EGR1: variants seen among roughly 807,000 people sequenced by gnomAD.
The protein encoded by EGR1 is early growth response 1, also known as early growth response protein 1.
Under a neutral mutation model 30.2 loss-of-function variants are expected in EGR1, and 8 were observed. The ratio of observed to expected loss-of-function variants is 0.26; its 90% CI spans 0.16 to 0.48. The LOEUF is 0.48. Ranked by LOEUF, EGR1 falls within the 20% of genes least tolerant of loss-of-function variation. EGR1 has a pLI of 0.99. For missense variants in EGR1, 568 were observed against 732.3 expected (o/e 0.78, Z 2.59); for synonymous variants, 334 against 312.8 (o/e 1.07, Z -0.72).
chr5:138,467,291 C>T lies in EGR1; in HGVS notation c.842C>T (p.Thr281Ile). The change falls in exon 2 of 2, where the codon ACC becomes ATC. Residue 281 changes from threonine (T) to isoleucine (I), a missense_variant. Coordinates refer to ENST00000239938, the MANE Select transcript of EGR1 (RefSeq NM_001964.3). This position sits in a 1 kb window ranked among gnomAD's most constrained non-coding sequence, Gnocchi z 8.3. ...QKPFQGLESRTQQPSLTPLST... is the reference protein window; with the variant it reads ...QKPFQGLESRIQQPSLTPLST... ...CCCTTCCAGGGCCTGGAGAGCCGCA[C>T]CCAGCAGCCTTCGCTAACCCCTCTG... The T allele has an allele frequency of 6.2e-7, 1 of 1,614,050 alleles. No individual in the cohort carries two copies. Among genetic ancestry groups the T allele is most frequent in the Non-Finnish European group, 8.5e-7 (1 of 1,180,018 alleles).
Position 138,467,649 on chromosome 5 carries a change from C to T in EGR1, c.1200C>T (p.Ile400=). 1 of 1,614,236 alleles carries T rather than the reference C, an allele frequency of 6.2e-7. No homozygotes were observed. Among genetic ancestry groups the T allele is most frequent in the South Asian group, 1.1e-5 (1 of 91,090 alleles). ...GCGAAAAGCCCTTCGCCTGCGACAT[C>T]TGTGGAAGAAAGTTTGCCAGGAGCG... ...HTGEKPFACD[I]CGRKFARSDE... is the part of the protein sequence containing the mutation. Residue 400 remains isoleucine (I), a synonymous_variant, in exon 2 of 2, where the codon ATC becomes ATT. Coordinates refer to ENST00000239938, the MANE Select transcript of EGR1 (RefSeq NM_001964.3). The surrounding 1 kb of genome is among the most constrained non-coding windows in gnomAD (Gnocchi z 8.3).
In EGR1 at chr5:138,468,156, C is replaced by A. The variant is rs1246190853; in HGVS notation, c.*75C>A. On this transcript the variant is annotated 3_prime_UTR_variant, in exon 2 of 2. Coordinates refer to ENST00000239938, the MANE Select transcript of EGR1 (RefSeq NM_001964.3). ...TTAAAGGACAGGAGGAGGAGATGGC[C>A]ATAGGAGAGGAGGGTTCCTCTTAGG... 6.5e-7 allele frequency: 1 copy of A among 1,532,566 alleles called. No homozygotes were observed. The highest frequency in any genetic ancestry group is 1.4e-5 in the African/African-American group (1 of 72,514). 94.9% of individuals were successfully genotyped at this position (1,532,566 alleles called of 1,614,324 possible).
Position 138,465,966 on chromosome 5 carries a change from G to A in EGR1, c.205G>A (p.Gly69Ser), listed in dbSNP as rs1320164238. 7 of 1,611,170 alleles carry A rather than the reference G, an allele frequency of 4.3e-6. No homozygotes were observed. Among genetic ancestry groups the A allele is most frequent in the East Asian group, 2.2e-5 (1 of 44,824 alleles). Residue 69 changes from glycine to serine, a missense_variant, in exon 1 of 2, where the codon GGC (glycine) becomes AGC (serine). Transcript: ENST00000239938. ...CAACAGCAGCAGCAGCAGCAGCGGGGGCGGTGGAGGCGGCGGGGGCGGCAG... is the reference window on the plus strand; with the variant it reads ...CAACAGCAGCAGCAGCAGCAGCGGGAGCGGTGGAGGCGGCGGGGGCGGCAG... The part of the protein sequence containing the change: ...GSNSSSSSSG[G>S]GGGGGGGSNS...
In EGR1 at chr5:138,468,040, A is replaced by G; in HGVS notation, c.1591A>G (p.Met531Val). ...SFSASTGLSD[M>V]TATFSPRTIE... is the part of the protein sequence containing the mutation. ...CAGCGCCTCCACAGGGCTTTCGGAC[A>G]TGACAGCAACCTTTTCTCCCAGGAC... Residue 531 changes from methionine to valine, a missense_variant, in exon 2 of 2, where the codon ATG becomes GTG. Transcript: ENST00000239938. 1 of 1,596,842 alleles carries G rather than the reference A, an allele frequency of 6.3e-7. No homozygotes were observed.
chr5:138,465,934 G>C lies in EGR1; in HGVS notation c.173G>C (p.Ser58Thr), dbSNP rs933295010. The C allele has an allele frequency of 1.9e-6, 3 of 1,613,232 alleles. No individual in the cohort carries two copies. In the African/African-American group the frequency reaches 4.0e-5, roughly 22 times the overall value. ...GGCGCCGCCGGGGCCCCAGAGGGCA[G>C]CGGCAGCAACAGCAGCAGCAGCAGC... The part of the protein sequence containing the change: ...FLGAAGAPEG[S>T]GSNSSSSSSG... Residue 58 changes from serine to threonine, a missense_variant, in exon 1 of 2, where the codon AGC becomes ACC. Physicochemically the swap from Ser to Thr is moderately conservative, Grantham distance 58. Transcript: ENST00000239938.
Position 138,465,714 on chromosome 5 carries a change from G to T in EGR1, c.-48G>T, listed in dbSNP as rs545513858. ...GTGTCCCCTGCAGCTCCAGCCCCGG[G>T]CTGCACCCCCCCGCCCCGACACCAG... is the stretch of plus-strand genomic sequence containing the variant. On this transcript the variant is annotated 5_prime_UTR_variant, in exon 1 of 2. Transcript: ENST00000239938. 1.3e-6 allele frequency: 2 copies of T among 1,510,732 alleles called. No homozygotes were observed. The highest frequency in any genetic ancestry group is 2.1e-5 in the Admixed American group (1 of 46,942). The allele number at this position is 1,510,732 out of a possible 1,614,324, so 93.6% of individuals were successfully genotyped here.
rs770357422 is a variant in EGR1 at position 138,465,967 on chromosome 5, G to A, written c.206G>A (p.Gly69Asp). The A allele has an allele frequency of 8.7e-6, 14 of 1,611,146 alleles. No individual in the cohort carries two copies. The highest frequency in any genetic ancestry group is 1.1e-5 in the Non-Finnish European group (13 of 1,178,674). The change falls in exon 1 of 2, where the codon GGC (glycine) becomes GAC (aspartate). Residue 69 changes from glycine (G) to aspartate (D), a missense_variant. Around this residue, in one of 4 missense-constraint regions of EGR1, gnomAD observed 415 missense variants for 445.2 expected, o/e 0.93. Coordinates refer to ENST00000239938, the MANE Select transcript of EGR1 (RefSeq NM_001964.3). ...GSNSSSSSSG[G>D]GGGGGGGSNS... ...AACAGCAGCAGCAGCAGCAGCGGGG[G>A]CGGTGGAGGCGGCGGGGGCGGCAGC...
In EGR1 at chr5:138,465,720, C is replaced by T. The variant is rs28365161; in HGVS notation, c.-42C>T. 28,426 of 1,509,256 alleles carry T rather than the reference C, an allele frequency of 0.019. 363 individuals carry two copies. Among genetic ancestry groups the T allele is most frequent in the African/African-American group, 0.05 (3,594 of 71,628 alleles). The allele number at this position is 1,509,256 out of a possible 1,614,324, so 93.5% of individuals were successfully genotyped here. Reference sequence around the variant, plus strand: ...CCTGCAGCTCCAGCCCCGGGCTGCACCCCCCCGCCCCGACACCAGCTCTCC... The same window carrying T: ...CCTGCAGCTCCAGCCCCGGGCTGCATCCCCCCGCCCCGACACCAGCTCTCC... On this transcript the variant is annotated 5_prime_UTR_variant, in exon 1 of 2. Transcript: ENST00000239938.
rs781257455 is a variant in EGR1 at position 138,466,960 on chromosome 5, T to G, written c.511T>G (p.Ser171Ala). 1 of 1,614,034 alleles carries G rather than the reference T, an allele frequency of 6.2e-7. No homozygotes were observed. Among genetic ancestry groups the G allele is most frequent in the Non-Finnish European group, 8.5e-7 (1 of 1,180,014 alleles). Residue 171 changes from serine (S) to alanine (A), a missense_variant, in exon 2 of 2, where the codon TCG becomes GCG. By Grantham distance (99) the Ser-to-Ala change is moderately conservative (BLOSUM62 1). Around this residue, in one of 4 missense-constraint regions of EGR1, gnomAD observed 415 missense variants for 445.2 expected, o/e 0.93. Transcript: ENST00000239938. ...GAGCATGACCAACCCACCGGCCTCC[T>G]CGTCCTCAGCACCATCTCCAGCGGC... is the stretch of plus-strand genomic sequence containing the variant. ...LVSMTNPPAS[S>A]SSAPSPAASS...
chr5:138,465,729 C>A lies in EGR1; in HGVS notation c.-33C>A. 1 of 1,543,588 alleles carries A rather than the reference C, an allele frequency of 6.5e-7. No homozygotes were observed. The highest frequency in any genetic ancestry group is 1.2e-5 in the South Asian group (1 of 80,362). On this transcript the variant is annotated 5_prime_UTR_variant, in exon 1 of 2. Transcript: ENST00000239938. The stretch of plus-strand genomic sequence containing the variant: ...CCAGCCCCGGGCTGCACCCCCCCGC[C>A]CCGACACCAGCTCTCCAGCCTGCTC...
At chr5:138,466,145 C>T (rs530700441) in intron 1 of EGR1, 77 bp downstream of exon 1, 2 of 1,451,518 alleles carry the variant, frequency 1.4e-6, no homozygotes, top group African/African-American at 1.4e-5. Context: ...AGGAGTGCTC[C>T]TGGATCTTAG....
At position 138,468,247 on chromosome 5, in the gene EGR1, A is replaced by C; in HGVS notation, c.*166A>C. On this transcript the variant is annotated 3_prime_UTR_variant, in exon 2 of 2. Transcript: ENST00000239938. Reference sequence around the variant, plus strand: ...GGAGTGGAAGGTCTATTGGCCAACAATCCTTTCTGCCCACTTCCCCTTCCC... The same window carrying C: ...GGAGTGGAAGGTCTATTGGCCAACACTCCTTTCTGCCCACTTCCCCTTCCC... The C allele has an allele frequency of 1.3e-5, 19 of 1,419,410 alleles. No homozygotes were observed. The highest frequency in any genetic ancestry group is 1.5e-5 in the Non-Finnish European group (16 of 1,043,852). 87.9% of individuals were successfully genotyped at this position (1,419,410 alleles called of 1,614,324 possible). A position where few individuals can be genotyped will look rare whatever the true frequency, so the allele number is the denominator to read the frequency against.
chr5:138,468,310 G>A lies in EGR1; in HGVS notation c.*229G>A. 2.2e-6 allele frequency: 2 copies of A among 921,024 alleles called. No homozygotes were observed. The highest frequency in any genetic ancestry group is 3.4e-6 in the Non-Finnish European group (2 of 593,292). 57.1% of individuals were successfully genotyped at this position (921,024 alleles called of 1,614,324 possible). ...CCTTTGACTTCAGCTGCCTGAAACAGCCATGTCCAAGTTCTTCACCTCTAT... is the reference window on the plus strand; with the variant it reads ...CCTTTGACTTCAGCTGCCTGAAACAACCATGTCCAAGTTCTTCACCTCTAT... On this transcript the variant is annotated 3_prime_UTR_variant, in exon 2 of 2. Coordinates refer to ENST00000239938, the MANE Select transcript of EGR1 (RefSeq NM_001964.3).
intron 1 of EGR1, 85 bp downstream of exon 1, chr5:138,466,153 T>C: frequency 2.1e-6 from 3 of 1,443,786 alleles, no homozygotes; most frequent in Non-Finnish European, 2.7e-6. Flanking sequence ...TCCTGGATCT[T>C]AGAATGAGAG....
Position 138,467,471 on chromosome 5 carries a change from C to T in EGR1, c.1022C>T (p.Pro341Leu). 6.2e-7 allele frequency: 1 copy of T among 1,613,842 alleles called. No individual in the cohort carries two copies. The highest frequency in any genetic ancestry group is 8.5e-7 in the Non-Finnish European group (1 of 1,180,032). The part of the protein sequence containing the change: ...TPPHERPYAC[P>L]VESCDRRFSR... ...CCCCACGAACGCCCTTACGCTTGCC[C>T]AGTGGAGTCCTGTGATCGCCGCTTC... The change falls in exon 2 of 2, where the codon CCA (proline) becomes CTA (leucine). Residue 341 changes from proline (P) to leucine (L), a missense_variant. By Grantham distance (98) the Pro-to-Leu change is moderately conservative (BLOSUM62 -3). Transcript: ENST00000239938. The surrounding 1 kb of genome is among the most constrained non-coding windows in gnomAD (Gnocchi z 8.3).
At position 138,469,127 on chromosome 5, in the gene EGR1, C is replaced by T. The variant is rs747802574; in HGVS notation, c.*1046C>T. 33 of 152,354 alleles carry T rather than the reference C, an allele frequency of 2.2e-4. No individual in the cohort carries two copies. The highest frequency in any genetic ancestry group is 6.7e-4 in the African/African-American group (28 of 41,490). The allele number at this position is 152,354 out of a possible 1,614,324, so 9.4% of individuals were successfully genotyped here. The stretch of plus-strand genomic sequence containing the variant: ...ATGTTGTAGTTACCTACTGAGTAGG[C>T]GGCGATTTTTGTATGTTATGAACAT... On this transcript the variant is annotated 3_prime_UTR_variant, in exon 2 of 2. Coordinates refer to ENST00000239938, the MANE Select transcript of EGR1 (RefSeq NM_001964.3).
chr5:138,466,032 G>A lies in EGR1; in HGVS notation c.271G>A (p.Asp91Asn), dbSNP rs766482111. The change falls in exon 1 of 2, where the codon GAC becomes AAC. Residue 91 changes from aspartate (D) to asparagine (N), a missense_variant. Transcript: ENST00000239938. ...SSSSTFNPQA[D>N]TGEQPYEHLT... Reference sequence around the variant, plus strand: ...CAGCAGCACCTTCAACCCTCAGGCGGACACGGGCGAGCAGCCCTACGAGCA... The same window carrying A: ...CAGCAGCACCTTCAACCCTCAGGCGAACACGGGCGAGCAGCCCTACGAGCA... The A allele has an allele frequency of 1.7e-5, 28 of 1,600,758 alleles. No individual in the cohort carries two copies. Among genetic ancestry groups the A allele is most frequent in the African/African-American group, 2.7e-5 (2 of 74,706 alleles).
In EGR1 at chr5:138,467,077, C is replaced by T. The variant is rs768644189; in HGVS notation, c.628C>T (p.Pro210Ser). Residue 210 changes from proline to serine, a missense_variant, in exon 2 of 2, where the codon CCC (proline) becomes TCC (serine). Pro to Ser is a moderately conservative substitution (Grantham distance 74). This residue lies in a region of EGR1 where 415 missense variants were observed against 445.2 expected (regional missense o/e 0.93). Transcript: ENST00000239938. This position sits in a 1 kb window ranked among gnomAD's most constrained non-coding sequence, Gnocchi z 8.3. ...CATTTACTCAGCGGCACCCACCTTC[C>T]CCACGCCGAACACTGACATTTTCCC... ...SPIYSAAPTF[P>S]TPNTDIFPEP... The T allele has an allele frequency of 5.6e-6, 9 of 1,613,916 alleles. No homozygotes were observed. The highest frequency in any genetic ancestry group is 5.9e-6 in the Non-Finnish European group (7 of 1,180,038).
Position 138,466,961 on chromosome 5 carries a change from C to G in EGR1, c.512C>G (p.Ser171Trp). 1 of 1,614,062 alleles carries G rather than the reference C, an allele frequency of 6.2e-7. No individual in the cohort carries two copies. Among genetic ancestry groups the G allele is most frequent in the Non-Finnish European group, 8.5e-7 (1 of 1,180,016 alleles). ...LVSMTNPPASSSSAPSPAASS... is the reference protein window; with the variant it reads ...LVSMTNPPASWSSAPSPAASS... ...AGCATGACCAACCCACCGGCCTCCT[C>G]GTCCTCAGCACCATCTCCAGCGGCC... The change falls in exon 2 of 2, where the codon TCG becomes TGG. Residue 171 changes from serine to tryptophan, a missense_variant. Around this residue, in one of 4 missense-constraint regions of EGR1, gnomAD observed 415 missense variants for 445.2 expected, o/e 0.93. Coordinates refer to ENST00000239938, the MANE Select transcript of EGR1 (RefSeq NM_001964.3).
Sources: gnomAD v4.1 joint callset for allele counts on GRCh38, gnomAD v4.1.1 for gene constraint, gnomAD v4.1.1 regional missense constraint, Gnocchi (gnomAD v3.1) non-coding constraint, MANE v1.5 for transcripts, NCBI Gene and HGNC (gene_info 2026-07-23, HGNC 2026-07-21) for gene names.